The following GALNT16 variants were observed in gnomAD, a reference collection of about 807,000 sequenced individuals.
The protein encoded by GALNT16 is UDP-GalNAc:polypeptide N-acetylgalactosaminyltransferase-like protein 1.
Under a neutral mutation model 76.1 loss-of-function variants are expected in GALNT16, and 40 were observed. The observed-to-expected ratio is 0.53, with a 90% confidence interval of 0.41 to 0.68. The LOEUF (loss-of-function observed/expected upper bound fraction) is 0.68, where lower values mean the gene tolerates loss of function less well. Ranked by LOEUF, GALNT16 falls within the 30% of genes least tolerant of loss-of-function variation. The pLI, the probability that GALNT16 is intolerant of heterozygous loss-of-function variation, is 0.00. For missense variants in GALNT16, 621 were observed against 731.9 expected (o/e 0.85, Z 1.75); for synonymous variants, 276 against 285.2 (o/e 0.97, Z 0.32).
intron 1 of GALNT16, among the ~76,000 whole-genome samples, chr14:69,275,076 A>T (rs1010928310): frequency 6.6e-6 from 1 of 152,194 alleles, no homozygotes; most frequent in Admixed American, 6.5e-5. Context: ...CAGAGGGCAG[A>T]GAGGTACTCA....
intron 1 of GALNT16, among the ~76,000 whole-genome samples, chr14:69,306,243 G>A (rs1045344257): frequency 6.6e-6 from 1 of 152,070 alleles, no homozygotes; most frequent in Non-Finnish European, 1.5e-5. Context: ...GCTGTTTGTT[G>A]TTATATAATA....
At chr14:69,335,241 G>A (rs190916452) in intron 9 of GALNT16, among the ~76,000 whole-genome samples, 40 of 152,274 alleles carry the variant, frequency 2.6e-4, no homozygotes, top group African/African-American at 9.1e-4. Flanking sequence ...GCCTGATCCC[G>A]ACTCAAAACC....
the GALNT16 span, among the ~76,000 whole-genome samples, chr14:69,377,584 A>T: frequency 6.6e-6 from 1 of 152,124 alleles, no homozygotes; most frequent in Non-Finnish European, 1.5e-5. Flanking sequence ...AGGCAGGTGG[A>T]TCACTTGAGT....
intron 1 of GALNT16, among the ~76,000 whole-genome samples, chr14:69,316,777 G>GGGC (rs1555399657): frequency 2.1e-5 from 2 of 97,134 alleles, no homozygotes; most frequent in African/African-American, 9.2e-5. Flanking sequence ...TAGTCTGTGA[G>GGGC]GGGGGGGGGC....
intron 1 of GALNT16, among the ~76,000 whole-genome samples, chr14:69,288,791 C>T (rs1383728810): frequency 6.6e-6 from 1 of 152,186 alleles, no homozygotes. Context: ...AAAACCAACA[C>T]CTGGAGAATG....
At position 69,331,474 on chromosome 14, in the gene GALNT16, G is replaced by T; in HGVS notation, c.701G>T (p.Arg234Leu). The change falls in exon 7 of 15, where the codon CGC (arginine) becomes CTC (leucine). Residue 234 changes from arginine (R) to leucine (L), a missense_variant. Physicochemically the swap from Arg to Leu is moderately radical, Grantham distance 102. Transcript: ENST00000448469. ...MLQRVKEDHT[R>L]VVSPIIDVIS... ...ACATCTCTCTCCTAGGACCACACCC[G>T]CGTGGTGAGTCCCATCATTGATGTC... 1.9e-6 allele frequency: 3 copies of T among 1,598,698 alleles called. No individual in the cohort carries two copies. The highest frequency in any genetic ancestry group is 2.6e-6 in the Non-Finnish European group (3 of 1,166,026).
intron 1 of GALNT16, among the ~76,000 whole-genome samples, chr14:69,268,695 GA>G (rs1208632501): frequency 6.6e-6 from 1 of 152,174 alleles, no homozygotes; most frequent in Non-Finnish European, 1.5e-5. Flanking sequence ...AAAATAAACA[GA>G]AAGATATATT....
intron 1 of GALNT16, among the ~76,000 whole-genome samples, chr14:69,265,844 T>C (rs74059928): frequency 0.11 from 16,840 of 152,226 alleles, 1,466 homozygotes; most frequent in African/African-American, 0.24. Context: ...TTAGTCCCTC[T>C]TCTCTGAAAT....
intron 1 of GALNT16, among the ~76,000 whole-genome samples, chr14:69,266,562 C>T (rs1458353951): frequency 6.6e-6 from 1 of 152,070 alleles, no homozygotes; most frequent in Non-Finnish European, 1.5e-5. Flanking sequence ...GAATTGAGGC[C>T]AGGAGGTGAA....
intron 1 of GALNT16, among the ~76,000 whole-genome samples, chr14:69,276,759 A>G (rs184350600): frequency 1.3e-5 from 2 of 152,288 alleles, no homozygotes; most frequent in East Asian, 3.9e-4. Flanking sequence ...TGGCAGTGCA[A>G]GTAATAGTAT....
At position 69,301,714 on chromosome 14, in the gene GALNT16, C is replaced by T. The variant is rs191000244; in HGVS notation, c.178-18997C>T. Among the ~76,000 whole-genome samples the T allele has an allele frequency of 3.3e-3, 508 of 151,854 alleles. 2 individuals are homozygous for T. The highest frequency in any genetic ancestry group is 0.011 in the African/African-American group (472 of 41,454). On this transcript the variant is annotated intron_variant, in intron 1 of 14. Transcript: ENST00000448469. ...ATCAAGAATCTAGGGAAGGGCCGGG[C>T]GTGGTGGCTCACTACTGTAATCCCA...
intron 1 of GALNT16, among the ~76,000 whole-genome samples, chr14:69,296,233 T>C (rs1333037154): frequency 6.6e-6 from 1 of 152,070 alleles, no homozygotes; most frequent in African/African-American, 2.4e-5. Flanking sequence ...CTCACTATTA[T>C]GAGAACAGCA....
chr14:69,330,977 C>G (rs752194496), intron 6 of GALNT16, among the ~76,000 whole-genome samples: 2 of 152,118 alleles, frequency 1.3e-5, no homozygotes, highest in Non-Finnish European at 2.9e-5. Context: ...AGCCCCTGCC[C>G]TCCAGCTGCT....
rs147598454 is a variant in GALNT16, at chr14:69,260,431, G to A, written c.141G>A (p.Ser47=). Residue 47 remains serine, a synonymous_variant, in exon 1 of 15, where the codon TCG becomes TCA. Transcript: ENST00000448469. ...GCGCGCAGAGGGCAGGCAGGAGGTCGGAGCAGCTCCGCGAGGACCGCACCA... is the reference window on the plus strand; with the variant it reads ...GCGCGCAGAGGGCAGGCAGGAGGTCAGAGCAGCTCCGCGAGGACCGCACCA... ...GRGAQRAGRR[S]EQLREDRTIP... 3.8e-6 allele frequency: 6 copies of A among 1,585,918 alleles called. No individual in the cohort carries two copies. The highest frequency in any genetic ancestry group is 1.7e-4 in the Middle Eastern group (1 of 6,024).
intron 1 of GALNT16, among the ~76,000 whole-genome samples, chr14:69,284,320 C>G (rs1486500574): frequency 2.0e-5 from 3 of 152,196 alleles, no homozygotes; most frequent in African/African-American, 7.2e-5. Flanking sequence ...GAGATCAATG[C>G]ACCTGTCTCA....
chr14:69,269,414 G>A (rs532527528), intron 1 of GALNT16, among the ~76,000 whole-genome samples: 201 of 151,002 alleles, frequency 1.3e-3, no homozygotes, highest in African/African-American at 4.8e-3. Context: ...TGTTGTGTGT[G>A]GTATGTGTAT....
chr14:69,307,250 A>G (rs1413475695), intron 1 of GALNT16, among the ~76,000 whole-genome samples: 1 of 152,164 alleles, frequency 6.6e-6, no homozygotes. Context: ...TCTGGGGCGC[A>G]ATGAACACAC....
intron 5 of GALNT16, among the ~76,000 whole-genome samples, chr14:69,326,611 G>T (rs2045288591): frequency 6.6e-6 from 1 of 152,186 alleles, no homozygotes; most frequent in Non-Finnish European, 1.5e-5. Flanking sequence ...GCCTCAATGG[G>T]GTGTGGGGGC....
chr14:69,383,689 A>T, the GALNT16 span, among the ~76,000 whole-genome samples: 4,937 of 152,290 alleles, frequency 0.032, 100 homozygotes, highest in Non-Finnish European at 0.05. Context: ...CTACTAAAAA[A>T]CCATAAATTA....
Sources: gnomAD v4.1 joint callset for allele counts (sites outside exome capture counted in the v4.1 genomes callset) on GRCh38, gnomAD v4.1.1 for gene constraint, MANE v1.5 for transcripts, NCBI Gene and HGNC (gene_info 2026-07-23, HGNC 2026-07-21) for gene names.